BLTP3B: variants seen among roughly 807,000 people sequenced by gnomAD.
BLTP3B encodes the protein bridge-like lipid transfer protein family member 3B.
At chr12:100,062,352 C>T in the BLTP3B span, among the ~76,000 whole-genome samples, 2 of 151,910 alleles carry the variant, frequency 1.3e-5, no homozygotes, top group African/African-American at 2.4e-5. Flanking sequence ...AATGGTAAAA[C>T]GAAAGTTAAG....
chr12:100,078,098 A>G, the BLTP3B span, among the ~76,000 whole-genome samples: 2 of 152,084 alleles, frequency 1.3e-5, no homozygotes, highest in East Asian at 3.9e-4. Flanking sequence ...CTCATGTTCA[A>G]TTGTAATCCC....
At chr12:100,099,221 T>A in the BLTP3B span, among the ~76,000 whole-genome samples, 3 of 151,788 alleles carry the variant, frequency 2.0e-5, no homozygotes, top group Non-Finnish European at 4.4e-5. Flanking sequence ...CTCAAACTCC[T>A]GTCCTCAGAT....
chr12:100,115,490 C>T, the BLTP3B span, among the ~76,000 whole-genome samples: 3 of 152,178 alleles, frequency 2.0e-5, no homozygotes, highest in Non-Finnish European at 4.4e-5. Context: ...AAGTATAGGC[C>T]GGGCGTCGTG....
At chr12:100,106,098 C>T in the BLTP3B span, among the ~76,000 whole-genome samples, 1 of 152,280 alleles carries the variant, frequency 6.6e-6, no homozygotes, top group South Asian at 2.1e-4. Context: ...TGCTTATACA[C>T]TGCTGGTAGG....
At chr12:100,124,228 C>T in the BLTP3B span, among the ~76,000 whole-genome samples, 4 of 151,920 alleles carry the variant, frequency 2.6e-5, no homozygotes, top group Admixed American at 6.6e-5. Context: ...TAAGTGTGCA[C>T]TATGATAACA....
chr12:100,045,701 T>C, the BLTP3B span, among the ~76,000 whole-genome samples: 12 of 151,986 alleles, frequency 7.9e-5, no homozygotes, highest in Non-Finnish European at 1.5e-4. Flanking sequence ...CCAAAAGCAA[T>C]AGCAACAAAA....
At chr12:100,060,032 T>C in the BLTP3B span, 1 of 1,595,514 alleles carries the variant, frequency 6.3e-7, no homozygotes, top group Non-Finnish European at 8.5e-7. Context: ...CTATAGAGGT[T>C]GGGAGATGGA....
At chr12:100,115,835 A>T in the BLTP3B span, among the ~76,000 whole-genome samples, 1 of 152,116 alleles carries the variant, frequency 6.6e-6, no homozygotes, top group African/African-American at 2.4e-5. Flanking sequence ...TCTAGAAATG[A>T]GGGCTGGTTT....
chr12:100,047,883 TG>T, the BLTP3B span: 1 of 1,316,880 alleles, frequency 7.6e-7, no homozygotes. Flanking sequence ...TTCTTAGACA[TG>T]AATGAAAGTC....
At chr12:100,068,294 T>C in the BLTP3B span, among the ~76,000 whole-genome samples, 2 of 152,176 alleles carry the variant, frequency 1.3e-5, no homozygotes, top group South Asian at 4.1e-4. Flanking sequence ...TGGCTAACCA[T>C]ATGTGGGAGA....
At chr12:100,095,530 A>C in the BLTP3B span, 6 of 919,204 alleles carry the variant, frequency 6.5e-6, no homozygotes, top group Non-Finnish European at 9.6e-6. Flanking sequence ...AATTACATAG[A>C]AGATATCTAG....
chr12:100,095,321 C>T, the BLTP3B span, among the ~76,000 whole-genome samples: 983 of 152,288 alleles, frequency 6.5e-3, 10 homozygotes, highest in African/African-American at 0.022. Flanking sequence ...AACTCTCACA[C>T]GTCCTCTCTT....
the BLTP3B span, among the ~76,000 whole-genome samples, chr12:100,109,808 G>A: frequency 6.6e-6 from 1 of 151,672 alleles, no homozygotes; most frequent in Non-Finnish European, 1.5e-5. Context: ...TAATGTAAGA[G>A]TGAGCATTTT....
At chr12:100,139,110 C>T in the BLTP3B span, among the ~76,000 whole-genome samples, 2 of 152,200 alleles carry the variant, frequency 1.3e-5, no homozygotes, top group Non-Finnish European at 2.9e-5. Context: ...GCTCCCCCAT[C>T]CCACCAACAC....
At chr12:100,113,836 C>T in the BLTP3B span, among the ~76,000 whole-genome samples, 1 of 151,536 alleles carries the variant, frequency 6.6e-6, no homozygotes, top group East Asian at 1.9e-4. Flanking sequence ...TACAATATTT[C>T]ATGGTATAAC....
the BLTP3B span, among the ~76,000 whole-genome samples, chr12:100,122,460 C>G: frequency 4.2e-4 from 64 of 152,282 alleles, 2 homozygotes; most frequent in Middle Eastern, 0.014. Context: ...CATTATCATA[C>G]TGATAAATTT....
chr12:100,107,402 G>A, the BLTP3B span, among the ~76,000 whole-genome samples: 14 of 151,416 alleles, frequency 9.2e-5, no homozygotes, highest in African/African-American at 3.4e-4. Context: ...AAATGGGCTG[G>A]GCACGGGCGG....
the BLTP3B span, among the ~76,000 whole-genome samples, chr12:100,074,212 T>G: frequency 6.6e-6 from 1 of 152,118 alleles, no homozygotes; most frequent in African/African-American, 2.4e-5. Flanking sequence ...TATTTTTATA[T>G]ACCAGTAACA....
chr12:100,103,930 T>A, the BLTP3B span: 2 of 1,601,340 alleles, frequency 1.2e-6, no homozygotes, highest in African/African-American at 2.7e-5. Context: ...ATGGGATGTG[T>A]TTTCAGTTTT....
Sources: gnomAD v4.1 joint callset for allele counts (sites outside exome capture counted in the v4.1 genomes callset) on GRCh38, gnomAD v4.1.1 for gene constraint, MANE v1.5 for transcripts, NCBI Gene and HGNC (gene_info 2026-07-23, HGNC 2026-07-21) for gene names.